The following C9 variants were observed in gnomAD, a reference collection of about 807,000 sequenced individuals.
C9 encodes the protein complement C9.
In C9, 63 loss-of-function variants were observed where a neutral mutation model predicts 65.4. The ratio of observed to expected loss-of-function variants is 0.96; its 90% CI spans 0.79 to 1.19. The LOEUF is 1.19. Among genes scored for constraint, C9 ranks in the 50% most tolerant of loss-of-function variants. The probability of loss-of-function intolerance (pLI) is 0.00; values close to 1 mark genes in which losing one functional copy is unlikely to be tolerated. For synonymous variants in C9, 229 were observed against 227.9 expected (o/e 1.00, Z -0.04); for missense variants, 744 against 670.1 (o/e 1.11, Z -1.22).
chr5:39,341,785 C>G (rs1164025964), intron 2 of C9, 85 bp from the exon 3 acceptor site: 1 of 1,203,438 alleles, frequency 8.3e-7, no homozygotes, highest in Non-Finnish European at 1.2e-6. Flanking sequence ...AACTATATCC[C>G]TGCAATGAGT....
intron 1 of C9, among the ~76,000 whole-genome samples, chr5:39,357,713 G>GT (rs1031269389): frequency 1.3e-4 from 20 of 152,296 alleles, no homozygotes; most frequent in Non-Finnish European, 2.8e-4. Flanking sequence ...CGCAGGTGGT[G>GT]TGGTGCTTTT....
Position 39,316,040 on chromosome 5 carries a change from AT to A in C9, c.616-12del. On this transcript the variant is annotated splice_polypyrimidine_tract_variant and intron_variant, in intron 5 of 10. Coordinates refer to ENST00000263408, the MANE Select transcript of C9 (RefSeq NM_001737.5). ...TTTCTCGCCTTTGGTCTAAAAGAGAATAAAAAAGTGTTGTTAAAAACAAGAT... is the reference window on the plus strand; with the variant it reads ...TTTCTCGCCTTTGGTCTAAAAGAGAAAAAAAAGTGTTGTTAAAAACAAGAT... 1 of 1,606,672 alleles carries A rather than the reference AT, an allele frequency of 6.2e-7. No homozygotes were observed. Among genetic ancestry groups the A allele is most frequent in the Non-Finnish European group, 8.5e-7 (1 of 1,174,782 alleles).
At chr5:39,323,445 A>G (rs1198799793) in intron 5 of C9, among the ~76,000 whole-genome samples, 1 of 151,224 alleles carries the variant, frequency 6.6e-6, no homozygotes, top group Non-Finnish European at 1.5e-5. Flanking sequence ...CTAAATTCAG[A>G]AATATATTAA....
At chr5:39,322,343 C>A (rs1275781580) in intron 5 of C9, among the ~76,000 whole-genome samples, 2 of 151,822 alleles carry the variant, frequency 1.3e-5, no homozygotes, top group African/African-American at 4.8e-5. Context: ...ATAAGCAGTT[C>A]TAACAGAAAA....
At chr5:39,335,007 A>T (rs188274595) in intron 4 of C9, among the ~76,000 whole-genome samples, 1 of 151,392 alleles carries the variant, frequency 6.6e-6, no homozygotes, top group Non-Finnish European at 1.5e-5. Flanking sequence ...AAAAAAAAAA[A>T]GAAATAAACA....
At chr5:39,305,152 T>G (rs548572966) in intron 9 of C9, among the ~76,000 whole-genome samples, 3 of 152,236 alleles carry the variant, frequency 2.0e-5, no homozygotes, top group Admixed American at 2.0e-4. Flanking sequence ...ATAATGAATT[T>G]GTGTTAGATT....
At chr5:39,308,090 G>A (rs1561337238) in intron 8 of C9, 140 bp downstream of exon 8, 3 of 807,204 alleles carry the variant, frequency 3.7e-6, no homozygotes, top group African/African-American at 1.7e-5. Context: ...GTTTATAGTG[G>A]TTTGAAAACC....
chr5:39,334,249 C>A (rs887484468), intron 4 of C9, among the ~76,000 whole-genome samples: 4 of 149,902 alleles, frequency 2.7e-5, no homozygotes, highest in Non-Finnish European at 4.4e-5. Flanking sequence ...ATGTGGGGAG[C>A]GCCTCAGCCC....
chr5:39,355,112 G>A (rs928566054), intron 1 of C9, among the ~76,000 whole-genome samples: 4 of 152,164 alleles, frequency 2.6e-5, no homozygotes, highest in Non-Finnish European at 5.9e-5. Flanking sequence ...ATTTCCCCAA[G>A]ATAGATTACT....
chr5:39,291,411 A>G (rs1468415702), intron 9 of C9, among the ~76,000 whole-genome samples: 1 of 151,868 alleles, frequency 6.6e-6, no homozygotes, highest in East Asian at 1.9e-4. Context: ...GATATACAGA[A>G]AGAGGGAAGG....
intron 2 of C9, 147 bp downstream of exon 2, chr5:39,341,944 T>C: frequency 1.4e-6 from 1 of 704,292 alleles, no homozygotes; most frequent in Non-Finnish European, 2.6e-6. Context: ...CCTGGAAAAG[T>C]TAGCAACATA....
At chr5:39,305,519 C>A in intron 9 of C9, among the ~76,000 whole-genome samples, 1 of 151,670 alleles carries the variant, frequency 6.6e-6, no homozygotes, top group Non-Finnish European at 1.5e-5. Flanking sequence ...TAAATGTGAC[C>A]TGAGGAAAGC....
At chr5:39,338,680 T>C (rs552941734) in intron 4 of C9, among the ~76,000 whole-genome samples, 140 of 152,322 alleles carry the variant, frequency 9.2e-4, no homozygotes, top group African/African-American at 3.1e-3. Flanking sequence ...TCATTTTCCA[T>C]TTCTGCAGCT....
At chr5:39,301,595 A>T (rs959440266) in intron 9 of C9, among the ~76,000 whole-genome samples, 1 of 152,106 alleles carries the variant, frequency 6.6e-6, no homozygotes, top group African/African-American at 2.4e-5. Context: ...CTATTCTGCA[A>T]TATTACTTCT....
chr5:39,332,255 T>TTGGGG (rs1283061479), intron 4 of C9, among the ~76,000 whole-genome samples: 2 of 152,190 alleles, frequency 1.3e-5, no homozygotes, highest in East Asian at 3.8e-4. Context: ...TGAATCAACA[T>TTGGGG]TGGGGCTTTC....
At chr5:39,343,299 A>T (rs766786524) in intron 1 of C9, among the ~76,000 whole-genome samples, 1 of 152,288 alleles carries the variant, frequency 6.6e-6, no homozygotes, top group African/African-American at 2.4e-5. Context: ...GGTGACAGAC[A>T]GCACCTGGAA....
chr5:39,317,004 C>T (rs1753579998), intron 5 of C9, among the ~76,000 whole-genome samples: 1 of 152,194 alleles, frequency 6.6e-6, no homozygotes, highest in Non-Finnish European at 1.5e-5. Flanking sequence ...ACCTTGCCAA[C>T]ATCTGTTGTT....
intron 4 of C9, among the ~76,000 whole-genome samples, chr5:39,335,774 A>G (rs1444606667): frequency 6.6e-6 from 1 of 151,970 alleles, no homozygotes; most frequent in African/African-American, 2.4e-5. Flanking sequence ...CTTCTGGAGG[A>G]GGAAATCACC....
chr5:39,318,482 T>C lies in C9; in HGVS notation c.616-2453A>G, dbSNP rs142105278. ...CAACTTTTGCCCATTCAGGGTGATA[T>C]TGGCTGTGGGTTTTTCATATATAGC... On this transcript the variant is annotated intron_variant, in intron 5 of 10. Transcript: ENST00000263408. Among the ~76,000 whole-genome samples the C allele has an allele frequency of 1.6e-4, 24 of 152,312 alleles. No individual in the cohort carries two copies. The East Asian group carries it at 4.0e-3, about 26-fold the overall frequency.
Sources: gnomAD v4.1 joint callset for allele counts (sites outside exome capture counted in the v4.1 genomes callset) on GRCh38, gnomAD v4.1.1 for gene constraint, MANE v1.5 for transcripts, NCBI Gene and HGNC (gene_info 2026-07-23, HGNC 2026-07-21) for gene names.